The following C1QTNF2 variants were observed in gnomAD, a reference collection of about 807,000 sequenced individuals.
The protein encoded by C1QTNF2 is complement C1q tumor necrosis factor-related protein 2.
In C1QTNF2, 15 loss-of-function variants were observed where a neutral mutation model predicts 17.4. The observed-to-expected ratio is 0.86, with a 90% CI of 0.58 to 1.33. C1QTNF2 has a LOEUF of 1.33. Among genes scored for constraint, C1QTNF2 ranks in the 40% most tolerant of loss-of-function variants. The pLI is 0.00. For synonymous variants in C1QTNF2, 154 were observed against 163.3 expected (o/e 0.94, Z 0.44); for missense variants, 381 against 392.3 (o/e 0.97, Z 0.24).
chr5:160,363,028 A>G (rs1764182294), intron 1 of C1QTNF2, among the ~76,000 whole-genome samples: 1 of 152,234 alleles, frequency 6.6e-6, no homozygotes, highest in South Asian at 2.1e-4. Context: ...TGGGAGCCCC[A>G]GGAGTGTTTC....
intron 1 of C1QTNF2, among the ~76,000 whole-genome samples, chr5:160,363,041 G>T (rs1170598053): frequency 6.6e-6 from 1 of 152,176 alleles, no homozygotes; most frequent in Non-Finnish European, 1.5e-5. Flanking sequence ...AGTGTTTCAG[G>T]GGAGGCCTCA....
At chr5:160,359,016 T>C (rs1209132361) in intron 1 of C1QTNF2, among the ~76,000 whole-genome samples, 3 of 152,130 alleles carry the variant, frequency 2.0e-5, no homozygotes, top group Non-Finnish European at 2.9e-5. Context: ...AGTCCAGCGA[T>C]CTACCCGTTT....
chr5:160,355,226 C>T, intron 1 of C1QTNF2: 1 of 985,016 alleles, frequency 1.0e-6, no homozygotes. Flanking sequence ...GGAGTCATTA[C>T]CCAGAATACA....
chr5:160,349,766 G>C lies in C1QTNF2; in HGVS notation c.260C>G (p.Thr87Arg). Reference protein sequence around the residue: ...DSGEEGPPGRTGNRGKPGPKG... With the variant: ...DSGEEGPPGRRGNRGKPGPKG... ...TGGTCCTGGCTTTCCCCGGTTACCT[G>C]TCCGGCCAGGTGGACCTGGAAGACA... The change falls in exon 3 of 3, where the codon ACA becomes AGA. Residue 87 changes from threonine to arginine, a missense_variant. By Grantham distance (71) the Thr-to-Arg change is moderately conservative (BLOSUM62 -1). Coordinates refer to ENST00000652664, the MANE Select transcript of C1QTNF2 (RefSeq NM_031908.6). This position sits in a 1 kb window ranked among gnomAD's most constrained non-coding sequence, Gnocchi z 4.3. 1 of 1,524,812 alleles carries C rather than the reference G, an allele frequency of 6.6e-7. No homozygotes were observed. The highest frequency in any genetic ancestry group is 8.7e-7 in the Non-Finnish European group (1 of 1,146,678). 94.5% of individuals were successfully genotyped at this position (1,524,812 alleles called of 1,614,324 possible).
At chr5:160,370,417 C>T (rs1581043930) in intron 1 of C1QTNF2, 95 bp downstream of exon 1, 2 of 1,347,920 alleles carry the variant, frequency 1.5e-6, no homozygotes, top group East Asian at 3.1e-5. Flanking sequence ...TCCCACCTTC[C>T]GCATCCCGCC....
At position 160,370,531 on chromosome 5, in the gene C1QTNF2, G is replaced by T. The variant is rs1764336054; in HGVS notation, c.-29C>A. ...ACTCACCCTCGCGGCTGCCCGCCAC[G>T]TCCAGGGGCGTCCGGAGCAAAGAAG... On this transcript the variant is annotated 5_prime_UTR_variant, in exon 1 of 3. Transcript: ENST00000652664. The T allele has an allele frequency of 2.0e-6, 3 of 1,489,022 alleles. No homozygotes were observed. The highest frequency in any genetic ancestry group is 5.5e-5 in the East Asian group (2 of 36,330). The allele number at this position is 1,489,022 out of a possible 1,614,324, so 92.2% of individuals were successfully genotyped here.
intron 1 of C1QTNF2, among the ~76,000 whole-genome samples, chr5:160,361,524 C>T (rs1440314197): frequency 6.6e-6 from 1 of 152,178 alleles, no homozygotes; most frequent in Non-Finnish European, 1.5e-5. Context: ...ATAGGAGTGG[C>T]ATTTAACTCC....
At chr5:160,355,118 C>T (rs1764023862) in intron 1 of C1QTNF2, 98 bp from the exon 2 acceptor site, 2 of 1,434,012 alleles carry the variant, frequency 1.4e-6, no homozygotes, top group Non-Finnish European at 1.8e-6. Flanking sequence ...CTGGGATACA[C>T]TCAGTTGGAT....
At chr5:160,350,771 G>A (rs1763903183) in intron 2 of C1QTNF2, among the ~76,000 whole-genome samples, 2 of 141,140 alleles carry the variant, frequency 1.4e-5, no homozygotes, top group African/African-American at 5.3e-5. Flanking sequence ...TTTTTTTTGA[G>A]ACGGAATCTT....
chr5:160,354,938 C>T lies in C1QTNF2; in HGVS notation c.74G>A (p.Arg25Lys). ...TTGAGGGGAGCCTTTCCGGAAGTCC[C>T]TGCGAGCAAAGGCGCCAAGCAGTGG... is the stretch of plus-strand genomic sequence containing the variant. Reference protein sequence around the residue: ...ADPLLGAFARRDFRKGSPQLV... With the variant: ...ADPLLGAFARKDFRKGSPQLV... The change falls in exon 2 of 3, where the codon AGG becomes AAG. Residue 25 changes from arginine to lysine, a missense_variant. Physicochemically the swap from Arg to Lys is conservative, Grantham distance 26. Transcript: ENST00000652664. 6.3e-7 allele frequency: 1 copy of T among 1,597,678 alleles called. No individual in the cohort carries two copies.
chr5:160,359,358 C>T (rs1764109498), intron 1 of C1QTNF2, among the ~76,000 whole-genome samples: 1 of 152,140 alleles, frequency 6.6e-6, no homozygotes, highest in Admixed American at 6.5e-5. Context: ...CTTATGTTTA[C>T]ACAAGTAGTT....
intron 1 of C1QTNF2, among the ~76,000 whole-genome samples, 183 bp downstream of exon 1, chr5:160,370,329 A>G (rs909747590): frequency 6.6e-6 from 1 of 152,236 alleles, no homozygotes; most frequent in African/African-American, 2.4e-5. Context: ...GTTAATTTGT[A>G]TTATAATACG....
In C1QTNF2 at chr5:160,349,173, C is replaced by T. The variant is rs771784503; in HGVS notation, c.853G>A (p.Val285Ile). 13 of 1,611,694 alleles carry T rather than the reference C, an allele frequency of 8.1e-6. No homozygotes were observed. The Admixed American group carries it at 1.8e-4, about 23-fold the overall frequency. ...GGAGGACCGCCGTGGCATGTCTATA[C>T]CTCGTTGGGGTCATCCTGGTCGGCA... ...IYADQDDPNE[V>I] The change falls in exon 3 of 3, where the codon GTA (valine) becomes ATA (isoleucine). Residue 285 changes from valine to isoleucine, a missense_variant. Val to Ile is a conservative substitution (Grantham distance 29). Transcript: ENST00000652664. This position sits in a 1 kb window ranked among gnomAD's most constrained non-coding sequence, Gnocchi z 4.3.
intron 2 of C1QTNF2, among the ~76,000 whole-genome samples, 171 bp downstream of exon 2, chr5:160,354,597 A>AAAAAAAAATATAT (rs769774870): frequency 1.1e-5 from 1 of 89,306 alleles, no homozygotes; most frequent in African/African-American, 4.8e-5. Flanking sequence ...AAAAAAAAAA[A>AAAAAAAAATATAT]GTATATATAT....
At chr5:160,355,644 A>C (rs1174293880) in intron 1 of C1QTNF2, among the ~76,000 whole-genome samples, 1 of 152,224 alleles carries the variant, frequency 6.6e-6, no homozygotes, top group Non-Finnish European at 1.5e-5. Context: ...CCCTTATAGA[A>C]TAGATACAGG....
chr5:160,364,813 C>T (rs1228768570), intron 1 of C1QTNF2, among the ~76,000 whole-genome samples: 3 of 143,704 alleles, frequency 2.1e-5, no homozygotes, highest in South Asian at 2.1e-4. Flanking sequence ...AGCCACCTGG[C>T]GTGTCTGTGC....
chr5:160,366,438 A>C (rs1350553523), intron 1 of C1QTNF2, among the ~76,000 whole-genome samples: 2 of 152,142 alleles, frequency 1.3e-5, no homozygotes, highest in East Asian at 3.9e-4. Context: ...GTCATGGGAG[A>C]AGGTTGCCAC....
rs1763868123 is a variant in C1QTNF2, at chr5:160,349,457, C to T, written c.569G>A (p.Gly190Asp). The T allele has an allele frequency of 6.2e-7, 1 of 1,614,094 alleles. No homozygotes were observed. Among genetic ancestry groups the T allele is most frequent in the South Asian group, 1.1e-5 (1 of 91,080 alleles). The change falls in exon 3 of 3, where the codon GGC (glycine) becomes GAC (aspartate). Residue 190 changes from glycine to aspartate, a missense_variant. By Grantham distance (94) the Gly-to-Asp change is moderately conservative (BLOSUM62 -1). Coordinates refer to ENST00000652664, the MANE Select transcript of C1QTNF2 (RefSeq NM_031908.6). The surrounding 1 kb of genome is among the most constrained non-coding windows in gnomAD (Gnocchi z 4.3). ...GGTGAAGTAGTAGATCCCAGGCACG[C>T]CGCAGACGAACTTGCCGCTGGAAGC... ...YNASSGKFVC[G>D]VPGIYYFTYD...
intron 1 of C1QTNF2, 126 bp downstream of exon 1, chr5:160,370,386 A>G (rs1764331462): frequency 8.1e-7 from 1 of 1,241,200 alleles, no homozygotes; most frequent in African/African-American, 1.6e-5. Context: ...CCAGCCCGCA[A>G]TAAAGGCGCG....
Sources: gnomAD v4.1 joint callset for allele counts (sites outside exome capture counted in the v4.1 genomes callset) on GRCh38, gnomAD v4.1.1 for gene constraint, Gnocchi (gnomAD v3.1) non-coding constraint, MANE v1.5 for transcripts, NCBI Gene and HGNC (gene_info 2026-07-23, HGNC 2026-07-21) for gene names.